Variants in PASD1 observed in about 807,000 individuals in gnomAD.
The protein encoded by PASD1 is circadian clock protein PASD1.
Under a neutral mutation model 58.8 loss-of-function variants are expected in PASD1, and 13 were observed. The ratio of observed to expected loss-of-function variants is 0.22; its 90% confidence interval spans 0.14 to 0.35. The LOEUF (loss-of-function observed/expected upper bound fraction) is 0.35. Among genes scored for constraint, PASD1 ranks in the 10% least tolerant of loss-of-function variants. PASD1 has a pLI of 1.00. For synonymous variants in PASD1, 236 were observed against 216.7 expected, an observed-to-expected ratio of 1.09 and a Z score of -0.78; for missense variants, 734 against 568.3, an observed-to-expected ratio of 1.29 and a Z score of -2.96.
Position 151,620,959 on chromosome X carries a change from C to A in PASD1, c.237C>A (p.Ser79Arg), listed in dbSNP as rs1205070888. The A allele has an allele frequency of 8.3e-7, 1 of 1,205,796 alleles. No homozygotes were observed. Among genetic ancestry groups the A allele is most frequent in the South Asian group, 1.8e-5 (1 of 56,128 alleles). The change falls in exon 5 of 16, where the codon AGC (serine) becomes AGA (arginine). Residue 79 changes from serine to arginine, a missense_variant. Transcript: ENST00000370357. ...AGATTGTGGGCAAAAAATTATTAAG[C>A]CTTCTGCCTGATGAAGAGAAAGATG... The part of the protein sequence containing the change: ...PAEIVGKKLL[S>R]LLPDEEKDEV...
At chrX:151,672,899 T>C (rs2014497386) in intron 14 of PASD1, 2 of 437,687 alleles carry the variant, frequency 4.6e-6, no homozygotes, top group Non-Finnish European at 7.4e-6. Flanking sequence ...AAGAAAGGAC[T>C]AGATAAGGAA....
Position 151,648,644 on chromosome X carries a change from G to A in PASD1, c.659G>A (p.Ser220Asn), listed in dbSNP as rs377394936. 5.5e-5 allele frequency: 66 copies of A among 1,209,353 alleles called. No individual in the cohort carries two copies. The highest frequency in any genetic ancestry group is 7.4e-5 in the Non-Finnish European group (66 of 894,953). Residue 220 changes from serine (S) to asparagine (N), a missense_variant, in exon 9 of 16, where the codon AGC becomes AAC. Transcript: ENST00000370357. ...TCTCAAGGTCAAAGAGGACACACTAGCATGAAAGCCGTGTACGTTGAACCC... is the reference window on the plus strand; with the variant it reads ...TCTCAAGGTCAAAGAGGACACACTAACATGAAAGCCGTGTACGTTGAACCC... ...SSSQGQRGHT[S>N]MKAVYVEPAA... is the part of the protein sequence containing the mutation.
intron 1 of PASD1, among the ~76,000 whole-genome samples, chrX:151,570,640 T>C (rs1292286565): frequency 8.9e-6 from 1 of 112,031 alleles, no homozygotes. Context: ...GCCCCTTTCC[T>C]GTGTGGAGAT....
At chrX:151,597,132 C>T (rs2013331662) in intron 1 of PASD1, among the ~76,000 whole-genome samples, 1 of 111,594 alleles carries the variant, frequency 9.0e-6, no homozygotes, top group Non-Finnish European at 1.9e-5. Flanking sequence ...TTTGATGCTG[C>T]CTTTCTCTGG....
intron 9 of PASD1, among the ~76,000 whole-genome samples, chrX:151,653,938 C>CTTTCTTTCTTTCT (rs2014203597): frequency 1.3e-5 from 1 of 74,330 alleles, no homozygotes; most frequent in Admixed American, 1.7e-4. Flanking sequence ...TTCTTTCTTT[C>CTTTCTTTCTTTCT]TTTTTCTCTC....
chrX:151,602,023 T>G (rs770440192), intron 2 of PASD1, among the ~76,000 whole-genome samples: 72 of 112,594 alleles, frequency 6.4e-4, no homozygotes, highest in African/African-American at 2.2e-3. Context: ...GTCAAAAGTT[T>G]GCAGTATGAT....
intron 14 of PASD1, chrX:151,673,711 G>A (rs1441579422): frequency 2.3e-6 from 1 of 444,016 alleles, no homozygotes; most frequent in African/African-American, 2.5e-5. Context: ...ATAAAACCAG[G>A]TGAGACAAGG....
intron 8 of PASD1, among the ~76,000 whole-genome samples, chrX:151,648,188 A>G (rs1004833697): frequency 1.8e-5 from 2 of 111,060 alleles, no homozygotes; most frequent in African/African-American, 3.3e-5. Flanking sequence ...GCAAATTTCT[A>G]TCTAATTTTG....
At position 151,676,209 on chromosome X, in the gene PASD1, G is replaced by T; in HGVS notation, c.*66G>T. The T allele has an allele frequency of 9.1e-7, 1 of 1,100,794 alleles. No homozygotes were observed. The highest frequency in any genetic ancestry group is 1.2e-6 in the Non-Finnish European group (1 of 819,834). The allele number at this position is 1,100,794 out of a possible 1,213,427, so 90.7% of individuals were successfully genotyped here. ...GGGGCAGGCCAATGAGGTCTGCATG[G>T]CCAGGGGACCTTCAAGGTGCGTAAA... On this transcript the variant is annotated 3_prime_UTR_variant, in exon 16 of 16. Coordinates refer to ENST00000370357, the MANE Select transcript of PASD1 (RefSeq NM_173493.3).
intron 8 of PASD1, among the ~76,000 whole-genome samples, chrX:151,648,008 T>C (rs918572562): frequency 1.8e-5 from 2 of 111,612 alleles, no homozygotes; most frequent in African/African-American, 6.5e-5. Context: ...GAAAACAAAA[T>C]ACATTTCAAT....
intron 1 of PASD1, among the ~76,000 whole-genome samples, chrX:151,593,107 A>G (rs1405802861): frequency 9.0e-6 from 1 of 110,955 alleles, no homozygotes; most frequent in Non-Finnish European, 1.9e-5. Flanking sequence ...TCTTTTCCCT[A>G]GTGATATATT....
intron 11 of PASD1, among the ~76,000 whole-genome samples, chrX:151,667,072 T>C (rs767105853): frequency 1.8e-5 from 2 of 110,451 alleles, no homozygotes; most frequent in African/African-American, 6.8e-5. Context: ...TTAATGATTT[T>C]TATTCTAACT....
At chrX:151,634,814 C>T (rs147821596) in intron 8 of PASD1, among the ~76,000 whole-genome samples, 69 of 111,701 alleles carry the variant, frequency 6.2e-4, no homozygotes, top group African/African-American at 2.2e-3. Flanking sequence ...AAAGAGATGT[C>T]CACCAAGTTT....
intron 1 of PASD1, among the ~76,000 whole-genome samples, chrX:151,590,804 A>G (rs887508367): frequency 9.0e-6 from 1 of 111,166 alleles, no homozygotes; most frequent in Non-Finnish European, 1.9e-5. Context: ...GGCTCAAGCT[A>G]TCCTCCTGCC....
At chrX:151,571,415 C>G (rs760952162) in intron 1 of PASD1, among the ~76,000 whole-genome samples, 3 of 111,772 alleles carry the variant, frequency 2.7e-5, no homozygotes, top group Admixed American at 9.5e-5. Flanking sequence ...GCTCTTTTCT[C>G]TCTCCTTGGT....
At chrX:151,588,205 G>A (rs2013195783) in intron 1 of PASD1, among the ~76,000 whole-genome samples, 2 of 112,078 alleles carry the variant, frequency 1.8e-5, no homozygotes, top group South Asian at 7.4e-4. Context: ...TGTTTATAAA[G>A]AGTGTGTACG....
chrX:151,669,150 A>G (rs1466102122), intron 11 of PASD1, among the ~76,000 whole-genome samples: 1 of 89,858 alleles, frequency 1.1e-5, no homozygotes, highest in Non-Finnish European at 2.3e-5. Flanking sequence ...GCAGTTGTAC[A>G]TATTATATAT....
At chrX:151,608,841 T>G (rs1038498853) in intron 3 of PASD1, among the ~76,000 whole-genome samples, 1 of 111,693 alleles carries the variant, frequency 9.0e-6, no homozygotes, top group African/African-American at 3.2e-5. Context: ...TTCAAATTTA[T>G]TGGCATAAAG....
intron 8 of PASD1, among the ~76,000 whole-genome samples, chrX:151,637,343 A>G (rs2013942781): frequency 8.9e-6 from 1 of 111,761 alleles, no homozygotes; most frequent in Admixed American, 9.5e-5. Context: ...TTGCATTCCT[A>G]CTGGCAATGT....
Sources: gnomAD v4.1 joint callset for allele counts (sites outside exome capture counted in the v4.1 genomes callset) on GRCh38, gnomAD v4.1.1 for gene constraint, MANE v1.5 for transcripts, NCBI Gene and HGNC (gene_info 2026-07-23, HGNC 2026-07-21) for gene names.